The following PABPC1L variants were observed in gnomAD, a reference collection of about 807,000 sequenced individuals.
PABPC1L encodes the protein poly(A) binding protein cytoplasmic 1 like, also known as polyadenylate-binding protein 1-like.
Under a neutral mutation model 66.6 loss-of-function variants are expected in PABPC1L, and 31 were observed. The observed-to-expected ratio is 0.47, with a 90% CI of 0.35 to 0.63. The LOEUF (loss-of-function observed/expected upper bound fraction) is 0.63, where lower values mean the gene tolerates loss of function less well. Among genes scored for constraint, PABPC1L ranks in the 20% least tolerant of loss-of-function variants. The pLI is 0.00. For missense variants in PABPC1L, 722 were observed against 848.8 expected (o/e 0.85, Z 1.86); for synonymous variants, 348 against 335.1 (o/e 1.04, Z -0.42).
Position 44,936,657 on chromosome 20 carries a change from C to T in PABPC1L, c.1587C>T (p.His529=), listed in dbSNP as rs781755238. 71 of 1,602,926 alleles carry T rather than the reference C, an allele frequency of 4.4e-5. No individual in the cohort carries two copies. The Middle Eastern group carries it at 6.7e-4, about 15-fold the overall frequency. ...TGCAGGTCCAGGAGCCGGCTGTGCACATCCCAGGACAGGAGCCCCTGACCG... is the reference window on the plus strand; with the variant it reads ...TGCAGGTCCAGGAGCCGGCTGTGCATATCCCAGGACAGGAGCCCCTGACCG... The part of the protein sequence containing the change: ...STYRVQEPAV[H]IPGQEPLTAS... Residue 529 remains histidine (H), a synonymous_variant, in exon 12 of 15, where the codon CAC becomes CAT. Coordinates refer to ENST00000217073, the MANE Select transcript of PABPC1L (RefSeq NM_001372179.1).
At chr20:44,933,463 G>A (rs1304038593) in intron 10 of PABPC1L, among the ~76,000 whole-genome samples, 1 of 148,944 alleles carries the variant, frequency 6.7e-6, no homozygotes, top group East Asian at 1.9e-4. Flanking sequence ...TTTTCTTTTT[G>A]AGGCAGAATT....
At chr20:44,932,234 T>A (rs1005589612) in intron 8 of PABPC1L, 108 bp from the exon 9 acceptor site, 2 of 757,128 alleles carry the variant, frequency 2.6e-6, no homozygotes, top group African/African-American at 3.6e-5. Flanking sequence ...GACTCACCAG[T>A]CCCTGCAGGA....
At chr20:44,928,864 C>CAAAAAAAAAAAAAAAAAAAAAA (rs10597679) in intron 7 of PABPC1L, among the ~76,000 whole-genome samples, 2 of 54,356 alleles carry the variant, frequency 3.7e-5, no homozygotes, top group Non-Finnish European at 6.1e-5. Context: ...GATCCTGACT[C>CAAAAAAAAAAAAAAAAAAAAAA]AAAAAAAAAA....
At chr20:44,927,237 T>C (rs570350507) in intron 7 of PABPC1L, among the ~76,000 whole-genome samples, 12 of 152,136 alleles carry the variant, frequency 7.9e-5, no homozygotes, top group Non-Finnish European at 1.8e-4. Context: ...AATTAATGGA[T>C]ATAAATACTT....
At chr20:44,936,958 G>A (rs1429050564) in intron 12 of PABPC1L, 2 of 634,218 alleles carry the variant, frequency 3.2e-6, no homozygotes, top group South Asian at 1.5e-5. Flanking sequence ...TTCCACTGCT[G>A]CTGTCCTGTG....
At position 44,910,141 on chromosome 20, in the gene PABPC1L, A is replaced by C. The variant is rs750794888; in HGVS notation, c.-3A>C. On this transcript the variant is annotated 5_prime_UTR_variant, in exon 1 of 15. Transcript: ENST00000217073. ...GCCCCGCAGCCCCGGCCCCCTGCCC[A>C]CCATGAACGCCAGCGGTTCTGGCTA... The C allele has an allele frequency of 6.4e-7, 1 of 1,558,288 alleles. No individual in the cohort carries two copies. The highest frequency in any genetic ancestry group is 1.2e-5 in the South Asian group (1 of 84,880).
chr20:44,920,726 C>T (rs555616839), intron 5 of PABPC1L, among the ~76,000 whole-genome samples: 1 of 151,320 alleles, frequency 6.6e-6, no homozygotes, highest in South Asian at 2.1e-4. Context: ...GCCTTGGCCT[C>T]CCAAAGTGCT....
rs2075960 is a variant in PABPC1L at position 44,919,036 on chromosome 20, T to A, written c.634T>A (p.Ser212Thr). ...VDEQGLQDLF[S>T]QFGKMLSVKV... ...CGAGCAAGGCCTGCAGGACCTCTTCTCCCAGTTTGGTGGGTGTGTCCCCAA... is the reference window on the plus strand; with the variant it reads ...CGAGCAAGGCCTGCAGGACCTCTTCACCCAGTTTGGTGGGTGTGTCCCCAA... Residue 212 changes from serine to threonine, a missense_variant, in exon 4 of 15, where the codon TCC (serine) becomes ACC (threonine). Physicochemically the swap from Ser to Thr is moderately conservative, Grantham distance 58. This residue lies in a region of PABPC1L where 284 missense variants were observed against 294.8 expected (regional missense o/e 0.96). Transcript: ENST00000217073. The A allele has an allele frequency of 1.2e-6, 2 of 1,611,234 alleles. No homozygotes were observed. The highest frequency in any genetic ancestry group is 1.7e-5 in the Admixed American group (1 of 59,788).
chr20:44,910,867 G>T (rs1208087442), intron 1 of PABPC1L, among the ~76,000 whole-genome samples: 1 of 152,196 alleles, frequency 6.6e-6, no homozygotes, highest in Non-Finnish European at 1.5e-5. Context: ...ACCTGCACGG[G>T]CTCTGAAAAA....
chr20:44,927,384 G>A (rs1329953622), intron 7 of PABPC1L, among the ~76,000 whole-genome samples: 2 of 150,310 alleles, frequency 1.3e-5, no homozygotes, highest in Non-Finnish European at 3.0e-5. Context: ...TTTTGCTCTT[G>A]TTGCCCAGGC....
At chr20:44,914,550 C>T (rs1440622285) in intron 2 of PABPC1L, among the ~76,000 whole-genome samples, 2 of 152,094 alleles carry the variant, frequency 1.3e-5, no homozygotes, top group Admixed American at 6.6e-5. Context: ...CAAGCATAAT[C>T]CTTAAGTTCT....
intron 6 of PABPC1L, among the ~76,000 whole-genome samples, chr20:44,923,629 C>CA (rs926976464): frequency 1.5e-4 from 21 of 140,046 alleles, no homozygotes; most frequent in East Asian, 4.1e-4. Flanking sequence ...AAATCCATCT[C>CA]AAAAAAAAAA....
chr20:44,933,529 TC>T (rs1256546631), intron 10 of PABPC1L, among the ~76,000 whole-genome samples: 1 of 152,026 alleles, frequency 6.6e-6, no homozygotes, highest in East Asian at 1.9e-4. Flanking sequence ...CACTGCAACC[TC>T]CGCCTCCCAG....
Position 44,910,250 on chromosome 20 carries a change from C to T in PABPC1L, c.107C>T (p.Pro36Leu). 1 of 1,562,274 alleles carries T rather than the reference C, an allele frequency of 6.4e-7. No individual in the cohort carries two copies. Among genetic ancestry groups the T allele is most frequent in the South Asian group, 1.2e-5 (1 of 84,984 alleles). ...MLYEKFSPAGPILSIRVCRDV... is the reference protein window; with the variant it reads ...MLYEKFSPAGLILSIRVCRDV... Reference sequence around the variant, plus strand: ...TATGAGAAGTTCTCTCCCGCCGGCCCCATCCTGTCCATCCGCGTGTGCCGC... The same window carrying T: ...TATGAGAAGTTCTCTCCCGCCGGCCTCATCCTGTCCATCCGCGTGTGCCGC... Residue 36 changes from proline (P) to leucine (L), a missense_variant, in exon 1 of 15, where the codon CCC becomes CTC. Around this residue, in one of 3 missense-constraint regions of PABPC1L, gnomAD observed 284 missense variants for 294.8 expected, o/e 0.96. Coordinates refer to ENST00000217073, the MANE Select transcript of PABPC1L (RefSeq NM_001372179.1).
At chr20:44,928,833 C>A (rs370315902) in intron 7 of PABPC1L, among the ~76,000 whole-genome samples, 2 of 131,526 alleles carry the variant, frequency 1.5e-5, no homozygotes, top group African/African-American at 5.9e-5. Context: ...CCACTGCACT[C>A]CAGCCTGAGT....
rs772623015 is a variant in PABPC1L at position 44,933,206 on chromosome 20, G to A, written c.1459+21G>A. 1.9e-6 allele frequency: 3 copies of A among 1,576,432 alleles called. No individual in the cohort carries two copies. In the African/African-American group the frequency reaches 4.0e-5, roughly 21 times the overall value. ...AGTAGGTGAGTGTGGGTAGGGCCAA[G>A]GGGAATGGGGGTGGGGCAAAGTTGG... On this transcript the variant is annotated intron_variant, in intron 10 of 14. Coordinates refer to ENST00000217073, the MANE Select transcript of PABPC1L (RefSeq NM_001372179.1).
chr20:44,932,427 C>A lies in PABPC1L; in HGVS notation c.1325C>A (p.Pro442His). The A allele has an allele frequency of 1.2e-6, 2 of 1,612,900 alleles. No homozygotes were observed. ...AGGTGGACATCCCAGCCACCTAGAC[C>A]TTCCTGTGAGTGACCCAGCCCCTTC... The part of the protein sequence containing the change: ...APRWTSQPPR[P>H]SSAYPPGASM... Residue 442 changes from proline (P) to histidine (H), a missense_variant, in exon 9 of 15, where the codon CCT becomes CAT. Transcript: ENST00000217073.
rs569707809 is a variant in PABPC1L at position 44,933,281 on chromosome 20, C to G, written c.1459+96C>G. ...ATGGTGACCTTGCCATATGCCCTCT[C>G]GGTGAGCAAAGCTGACTTTGGAGAC... On this transcript the variant is annotated intron_variant, in intron 10 of 14. Coordinates refer to ENST00000217073, the MANE Select transcript of PABPC1L (RefSeq NM_001372179.1). The G allele has an allele frequency of 1.1e-4, 116 of 1,034,050 alleles. 2 individuals are homozygous for G. The South Asian group carries it at 1.6e-3, about 14-fold the overall frequency. 64.1% of individuals were successfully genotyped at this position (1,034,050 alleles called of 1,614,324 possible).
intron 13 of PABPC1L, 41 bp from the exon 14 acceptor site, chr20:44,938,633 A>T (rs2066919911): frequency 6.4e-7 from 1 of 1,570,188 alleles, no homozygotes; most frequent in South Asian, 1.2e-5. Flanking sequence ...TGACCTGCTA[A>T]GATAGCTGCA....
Sources: allele counts gnomAD v4.1 joint callset (sites outside exome capture counted in the v4.1 genomes callset), GRCh38; gene constraint gnomAD v4.1.1; regional missense constraint gnomAD v4.1.1; transcripts MANE v1.5; gene names NCBI Gene and HGNC (gene_info 2026-07-23, HGNC 2026-07-21).